Variants in LRRC4C observed in about 807,000 individuals in gnomAD.
LRRC4C encodes leucine rich repeat containing 4C, also known as leucine-rich repeat-containing protein 4C.
LRRC4C carries 5 observed loss-of-function variants against 33.6 expected under a neutral mutation model. That is an observed-to-expected ratio of 0.15 (90% CI 0.08 to 0.31). The LOEUF is 0.31. Among genes scored for constraint, LRRC4C ranks in the 10% least tolerant of loss-of-function variants. The pLI is 1.00. For missense variants in LRRC4C, 560 were observed against 796.7 expected, an observed-to-expected ratio of 0.70 and a Z score of 3.58; for synonymous variants, 329 against 302.0, an observed-to-expected ratio of 1.09 and a Z score of -0.93.
At chr11:40,304,660 T>A (rs1265172301) in intron 4 of LRRC4C, among the ~76,000 whole-genome samples, 1 of 152,082 alleles carries the variant, frequency 6.6e-6, no homozygotes, top group Non-Finnish European at 1.5e-5. Context: ...GAAATAAAAT[T>A]AAAATACCTT....
intron 3 of LRRC4C, among the ~76,000 whole-genome samples, chr11:40,443,322 C>T (rs976381747): frequency 3.9e-5 from 6 of 152,116 alleles, no homozygotes; most frequent in African/African-American, 7.2e-5. Context: ...ATTTCTGTGG[C>T]GGCGCTTTCA....
chr11:40,270,709 G>A (rs1391099929), intron 4 of LRRC4C, among the ~76,000 whole-genome samples: 2 of 152,048 alleles, frequency 1.3e-5, no homozygotes, highest in East Asian at 3.9e-4. Context: ...TGAACAGGGG[G>A]ATTACTGACT....
intron 2 of LRRC4C, among the ~76,000 whole-genome samples, chr11:40,840,860 T>C (rs1457027304): frequency 6.6e-6 from 1 of 152,198 alleles, no homozygotes; most frequent in Non-Finnish European, 1.5e-5. Flanking sequence ...CAACATTATA[T>C]GCTCTGGGAA....
intron 6 of LRRC4C, among the ~76,000 whole-genome samples, chr11:40,118,957 C>T (rs1855632313): frequency 6.6e-6 from 1 of 152,112 alleles, no homozygotes; most frequent in Non-Finnish European, 1.5e-5. Flanking sequence ...CCTGTTGGCT[C>T]AAGTGAGTCT....
At chr11:41,077,114 G>T (rs964750064) in intron 1 of LRRC4C, among the ~76,000 whole-genome samples, 1 of 152,180 alleles carries the variant, frequency 6.6e-6, no homozygotes, top group Admixed American at 6.5e-5. Context: ...ACTCTGCAGG[G>T]TTCAGTCCCC....
chr11:41,386,117 A>G (rs1953350081), intron 1 of LRRC4C, among the ~76,000 whole-genome samples: 2 of 151,656 alleles, frequency 1.3e-5, no homozygotes, highest in South Asian at 4.1e-4. Flanking sequence ...GTATGTATAT[A>G]TATTTAATAC....
intron 1 of LRRC4C, among the ~76,000 whole-genome samples, chr11:41,238,127 C>A (rs1347332590): frequency 2.0e-5 from 3 of 152,108 alleles, no homozygotes; most frequent in Non-Finnish European, 4.4e-5. Flanking sequence ...TAATTTCTAT[C>A]CTATTTTAAG....
At chr11:40,373,929 A>G (rs1948560957) in intron 3 of LRRC4C, among the ~76,000 whole-genome samples, 1 of 152,206 alleles carries the variant, frequency 6.6e-6, no homozygotes, top group African/African-American at 2.4e-5. Flanking sequence ...TATTAAAATA[A>G]AATATCCAAC....
intron 3 of LRRC4C, among the ~76,000 whole-genome samples, chr11:40,548,381 A>G (rs1957006984): frequency 6.6e-6 from 1 of 152,104 alleles, no homozygotes; most frequent in South Asian, 2.1e-4. Context: ...AGAAATTAGA[A>G]CACACAGACA....
intron 4 of LRRC4C, among the ~76,000 whole-genome samples, chr11:40,298,982 A>G (rs1467083786): frequency 6.6e-6 from 1 of 152,198 alleles, no homozygotes; most frequent in Non-Finnish European, 1.5e-5. Context: ...ACAATTCAAG[A>G]TGAGATTTGG....
intron 1 of LRRC4C, among the ~76,000 whole-genome samples, chr11:41,367,518 A>ACT (rs1446097376): frequency 6.6e-6 from 1 of 152,092 alleles, no homozygotes; most frequent in Non-Finnish European, 1.5e-5. Context: ...ATGCACATAA[A>ACT]CTCAAATTTT....
intron 1 of LRRC4C, among the ~76,000 whole-genome samples, chr11:41,135,706 A>G (rs1357095931): frequency 6.6e-6 from 1 of 152,164 alleles, no homozygotes; most frequent in Non-Finnish European, 1.5e-5. Flanking sequence ...ATGCTCAATA[A>G]AAGTGACAAC....
At chr11:40,806,842 C>T (rs1951273234) in intron 2 of LRRC4C, among the ~76,000 whole-genome samples, 1 of 152,034 alleles carries the variant, frequency 6.6e-6, no homozygotes, top group Non-Finnish European at 1.5e-5. Flanking sequence ...AGGCATATTC[C>T]TGATGTCTGC....
intron 1 of LRRC4C, among the ~76,000 whole-genome samples, chr11:41,034,318 G>A (rs11036198): frequency 0.73 from 109,889 of 150,760 alleles, 40,268 homozygotes; most frequent in South Asian, 0.78. Context: ...AGTGATACGC[G>A]TGCTCTTGGA....
At chr11:40,959,764 C>T (rs1164575426) in intron 1 of LRRC4C, among the ~76,000 whole-genome samples, 2 of 151,610 alleles carry the variant, frequency 1.3e-5, no homozygotes, top group African/African-American at 4.8e-5. Context: ...CAATCAAATG[C>T]TGAGAAGGTT....
intron 2 of LRRC4C, among the ~76,000 whole-genome samples, chr11:40,811,628 G>T (rs538126919): frequency 9.9e-5 from 15 of 152,096 alleles, no homozygotes; most frequent in Non-Finnish European, 7.4e-5. Flanking sequence ...CTTCTGAGTA[G>T]CTGGGACTAC....
At chr11:40,264,142 T>C (rs1462959162) in intron 4 of LRRC4C, among the ~76,000 whole-genome samples, 1 of 152,190 alleles carries the variant, frequency 6.6e-6, no homozygotes, top group Non-Finnish European at 1.5e-5. Context: ...TGCTCACTAA[T>C]TGTTACCTAC....
intron 2 of LRRC4C, among the ~76,000 whole-genome samples, chr11:40,746,379 G>T (rs1948422737): frequency 6.6e-6 from 1 of 152,148 alleles, no homozygotes; most frequent in African/African-American, 2.4e-5. Flanking sequence ...CAACACTGGG[G>T]CTGAGAAGCA....
intron 1 of LRRC4C, among the ~76,000 whole-genome samples, chr11:41,401,345 G>A (rs1290306797): frequency 6.6e-6 from 1 of 151,756 alleles, no homozygotes; most frequent in Admixed American, 6.6e-5. Flanking sequence ...TAACCATTAC[G>A]GCAGAAAGTT....
Sources: allele counts gnomAD v4.1 joint callset (sites outside exome capture counted in the v4.1 genomes callset), GRCh38; gene constraint gnomAD v4.1.1; transcripts MANE v1.5; gene names NCBI Gene and HGNC (gene_info 2026-07-23, HGNC 2026-07-21).